The following CDIP1 variants were observed in gnomAD, a reference collection of about 807,000 sequenced individuals.
The protein encoded by CDIP1 is cell death inducing p53 target 1.
A neutral mutation model predicts 17.7 loss-of-function variants in CDIP1; 9 were observed. The observed-to-expected ratio is 0.51, with a 90% confidence interval of 0.31 to 0.89. The LOEUF is 0.89. CDIP1 is among the 40% of genes least tolerant of loss of function. CDIP1 has a pLI of 0.05. For missense variants in CDIP1, 263 were observed against 277.9 expected (o/e 0.95, Z 0.38); for synonymous variants, 117 against 109.5 (o/e 1.07, Z -0.43).
At chr16:4,520,798 CA>C (rs1238989517) in intron 1 of CDIP1, among the ~76,000 whole-genome samples, 1 of 152,146 alleles carries the variant, frequency 6.6e-6, no homozygotes, top group Non-Finnish European at 1.5e-5. Context: ...CTTGAAGTAG[CA>C]AGTTCACTTT....
intron 1 of CDIP1, among the ~76,000 whole-genome samples, chr16:4,531,448 C>A (rs1042944031): frequency 6.6e-6 from 1 of 152,140 alleles, no homozygotes; most frequent in Admixed American, 6.5e-5. Flanking sequence ...GTGTGAGTGT[C>A]TGCTCCTGGC....
chr16:4,524,081 G>A (rs528468901), intron 1 of CDIP1: 1 of 152,328 alleles, frequency 6.6e-6, no homozygotes, highest in East Asian at 1.9e-4. Flanking sequence ...GAGAGCACAG[G>A]TCTCCCTGGG....
At position 4,513,411 on chromosome 16, in the gene CDIP1, C is replaced by T. The variant is rs140181472; in HGVS notation, c.241+285G>A. ...CATGACCAAGAGAGGGAAAGCCTTG[C>T]GGGTCACCCACCCCTCTCCTGCACA... On this transcript the variant is annotated intron_variant, in intron 4 of 5. Transcript: ENST00000567695. The surrounding 1 kb of genome is among the most constrained non-coding windows in gnomAD (Gnocchi z 4.1). Among the ~76,000 whole-genome samples the T allele has an allele frequency of 1.7e-3, 263 of 152,278 alleles. No homozygotes were observed. The highest frequency in any genetic ancestry group is 5.1e-3 in the African/African-American group (213 of 41,558).
At chr16:4,519,580 C>T (rs939585963) in intron 1 of CDIP1, among the ~76,000 whole-genome samples, 2 of 152,166 alleles carry the variant, frequency 1.3e-5, no homozygotes, top group Non-Finnish European at 2.9e-5. Flanking sequence ...TTGCCAGATG[C>T]TGGCAGTGCC....
intron 1 of CDIP1, among the ~76,000 whole-genome samples, chr16:4,531,829 T>TAGCTCACACAGTGC (rs1567423430): frequency 6.6e-6 from 1 of 152,264 alleles, no homozygotes; most frequent in African/African-American, 2.4e-5. Flanking sequence ...TCACACAGTG[T>TAGCTCACACAGTGC]AGCTCACACA....
chr16:4,515,908 C>T (rs2058882218), intron 1 of CDIP1, among the ~76,000 whole-genome samples: 1 of 152,098 alleles, frequency 6.6e-6, no homozygotes, highest in Non-Finnish European at 1.5e-5. Context: ...ACCAGATGAC[C>T]CAGCAATTCC....
intron 1 of CDIP1, among the ~76,000 whole-genome samples, chr16:4,526,837 G>A (rs558652986): frequency 8.5e-5 from 13 of 152,222 alleles, no homozygotes; most frequent in South Asian, 4.1e-4. Context: ...GCCCTGTGTC[G>A]CAGGCAGAGC....
rs143162842 is a variant in CDIP1 at position 4,525,668 on chromosome 16, C to T, written c.-104-11004G>A. Among the ~76,000 whole-genome samples the T allele has an allele frequency of 1.8e-3, 274 of 152,338 alleles. 5 individuals carry two copies. Among genetic ancestry groups the T allele is most frequent in the African/African-American group, 6.4e-3 (264 of 41,574 alleles). ...CTGACCAGAGGGACCCTATTCCCAA[C>T]GCTGGGTGATGAGCAGGAAAGAGGA... On this transcript the variant is annotated intron_variant, in intron 1 of 5. Coordinates refer to ENST00000567695, the MANE Select transcript of CDIP1 (RefSeq NM_013399.3).
chr16:4,523,828 G>T (rs1393016380), intron 1 of CDIP1: 1 of 152,388 alleles, frequency 6.6e-6, no homozygotes, highest in Admixed American at 6.5e-5. Flanking sequence ...ATGTGCCCCT[G>T]AGGGTGGCCA....
chr16:4,529,843 T>C (rs911226506), intron 1 of CDIP1, among the ~76,000 whole-genome samples: 43 of 152,346 alleles, frequency 2.8e-4, no homozygotes, highest in African/African-American at 9.9e-4. Flanking sequence ...ACGTGGCCAC[T>C]CACGGCCACC....
At position 4,510,923 on chromosome 16, in the gene CDIP1, T is replaced by A. The variant is rs929265987; in HGVS notation, c.*1649A>T. On this transcript the variant is annotated 3_prime_UTR_variant, in exon 6 of 6. Coordinates refer to ENST00000567695, the MANE Select transcript of CDIP1 (RefSeq NM_013399.3). ...CTTCTGCCTGTCAGCCTCAGCCCAG[T>A]CTGTGTTGCTTAAGGGTGCGCCTCC... 2.0e-5 allele frequency: 3 copies of A among 152,248 alleles called. No homozygotes were observed. Among genetic ancestry groups the A allele is most frequent in the Non-Finnish European group, 2.9e-5 (2 of 68,068 alleles). The allele number at this position is 152,248 out of a possible 1,614,324, so 9.4% of individuals were successfully genotyped here.
At chr16:4,516,571 C>A (rs2058889962) in intron 1 of CDIP1, among the ~76,000 whole-genome samples, 1 of 151,764 alleles carries the variant, frequency 6.6e-6, no homozygotes, top group Non-Finnish European at 1.5e-5. Flanking sequence ...CCAGGCTGGT[C>A]TCGAACTCCT....
At position 4,514,516 on chromosome 16, in the gene CDIP1, A is replaced by C. The variant is rs182874739; in HGVS notation, c.-15+59T>G. The C allele has an allele frequency of 1.0e-3, 213 of 208,488 alleles. 1 individual carries two copies. Among genetic ancestry groups the C allele is most frequent in the Non-Finnish European group, 1.6e-3 (170 of 105,268 alleles). The allele number at this position is 208,488 out of a possible 1,614,324, so 12.9% of individuals were successfully genotyped here. On this transcript the variant is annotated intron_variant, in intron 2 of 5. Transcript: ENST00000567695. The surrounding 1 kb of genome is among the most constrained non-coding windows in gnomAD (Gnocchi z 5.2). ...GGGCACTAAGGCAGTCGGAGGAGAC[A>C]CTGGACCGATCTCTGCCACAGGCTG...
At chr16:4,532,013 T>TA (rs1338354874) in intron 1 of CDIP1, among the ~76,000 whole-genome samples, 1 of 152,216 alleles carries the variant, frequency 6.6e-6, no homozygotes, top group African/African-American at 2.4e-5. Flanking sequence ...TCTGAGCTAA[T>TA]AGGCAATTCA....
chr16:4,520,216 A>T (rs866251927), intron 1 of CDIP1, among the ~76,000 whole-genome samples: 11 of 151,784 alleles, frequency 7.2e-5, no homozygotes, highest in South Asian at 4.2e-4. Context: ...GGTTCAAGCG[A>T]TTCTCCTGCC....
At chr16:4,528,140 T>G (rs931755810) in intron 1 of CDIP1, among the ~76,000 whole-genome samples, 1 of 152,176 alleles carries the variant, frequency 6.6e-6, no homozygotes, top group Non-Finnish European at 1.5e-5. Context: ...TTTATTGACA[T>G]AGAAAAATGG....
intron 1 of CDIP1, among the ~76,000 whole-genome samples, chr16:4,527,301 G>A (rs761721686): frequency 3.3e-5 from 5 of 151,942 alleles, no homozygotes; most frequent in Non-Finnish European, 4.4e-5. Flanking sequence ...GTTAGCCAGG[G>A]TGGTCTTGAT....
chr16:4,518,255 A>G (rs1177436148), intron 1 of CDIP1, among the ~76,000 whole-genome samples: 2 of 152,184 alleles, frequency 1.3e-5, no homozygotes, highest in Admixed American at 6.5e-5. Flanking sequence ...ATATAATCCT[A>G]TGATCTCCTA....
intron 1 of CDIP1, among the ~76,000 whole-genome samples, chr16:4,520,338 C>T (rs1021058823): frequency 6.6e-6 from 1 of 152,138 alleles, no homozygotes; most frequent in Non-Finnish European, 1.5e-5. Flanking sequence ...CTCTTGACCT[C>T]GTCATCTGCC....
Sources: gnomAD v4.1 joint callset for allele counts (sites outside exome capture counted in the v4.1 genomes callset) on GRCh38, gnomAD v4.1.1 for gene constraint, Gnocchi (gnomAD v3.1) non-coding constraint, MANE v1.5 for transcripts, NCBI Gene and HGNC (gene_info 2026-07-23, HGNC 2026-07-21) for gene names.